The following GPC5 variants were observed in gnomAD, a reference collection of about 807,000 sequenced individuals.
GPC5 encodes glypican-5.
In GPC5, 47 loss-of-function variants were observed where a neutral mutation model predicts 53.9. The observed-to-expected ratio is 0.87, with a 90% CI of 0.69 to 1.11. GPC5 has a LOEUF of 1.11. Among genes scored for constraint, GPC5 ranks in the 50% most tolerant of loss-of-function variants. The pLI is 0.00. For synonymous variants in GPC5, 286 were observed against 263.3 expected, an observed-to-expected ratio of 1.09 and a Z score of -0.84; for missense variants, 748 against 713.1, an observed-to-expected ratio of 1.05 and a Z score of -0.56.
intron 2 of GPC5, among the ~76,000 whole-genome samples, chr13:91,530,630 A>G (rs571734127): frequency 2.6e-5 from 4 of 152,258 alleles, no homozygotes; most frequent in South Asian, 4.1e-4. Context: ...TTTTCAACCT[A>G]TTTAATAATA....
chr13:91,835,741 G>A (rs922491200), intron 5 of GPC5, among the ~76,000 whole-genome samples: 1 of 152,114 alleles, frequency 6.6e-6, no homozygotes, highest in African/African-American at 2.4e-5. Flanking sequence ...TCGGGGGTTG[G>A]GGGGTGAGGG....
At chr13:91,992,454 A>G (rs1354593736) in intron 6 of GPC5, among the ~76,000 whole-genome samples, 1 of 134,526 alleles carries the variant, frequency 7.4e-6, no homozygotes, top group African/African-American at 2.9e-5. Context: ...GTATGAAGCT[A>G]TTTACTTTTT....
chr13:92,274,976 A>G (rs1352076477), intron 7 of GPC5, among the ~76,000 whole-genome samples: 1 of 152,156 alleles, frequency 6.6e-6, no homozygotes, highest in Non-Finnish European at 1.5e-5. Flanking sequence ...TAAAAAATTC[A>G]TTAATGAATA....
At chr13:92,565,089 C>T (rs901996541) in intron 7 of GPC5, among the ~76,000 whole-genome samples, 9 of 152,026 alleles carry the variant, frequency 5.9e-5, no homozygotes, top group African/African-American at 1.9e-4. Context: ...TTTTAAGACT[C>T]ATAAGCCATT....
chr13:92,481,193 C>T (rs1265399066), intron 7 of GPC5, among the ~76,000 whole-genome samples: 3 of 151,956 alleles, frequency 2.0e-5, no homozygotes, highest in African/African-American at 7.2e-5. Flanking sequence ...CTCTGCCTCC[C>T]AGGTTCACGC....
intron 7 of GPC5, among the ~76,000 whole-genome samples, chr13:92,681,087 G>T (rs17299557): frequency 0.23 from 35,412 of 151,378 alleles, 4,569 homozygotes; most frequent in East Asian, 0.35. Context: ...ATGTAGTTGA[G>T]AGGACACCAT....
chr13:91,652,280 CT>C (rs139021078), intron 2 of GPC5, among the ~76,000 whole-genome samples: 1 of 151,964 alleles, frequency 6.6e-6, no homozygotes, highest in African/African-American at 2.4e-5. Context: ...AAAACTGGCA[CT>C]TTTTTTTCTT....
intron 7 of GPC5, among the ~76,000 whole-genome samples, chr13:92,176,614 T>C (rs1157225566): frequency 1.3e-5 from 2 of 152,160 alleles, no homozygotes; most frequent in African/African-American, 2.4e-5. Flanking sequence ...TCAATGGCTT[T>C]TAGATTTCTA....
At chr13:91,841,466 T>TA (rs1015808490) in intron 5 of GPC5, among the ~76,000 whole-genome samples, 24 of 151,558 alleles carry the variant, frequency 1.6e-4, no homozygotes, top group South Asian at 6.3e-4. Context: ...GCATTTTACA[T>TA]AAAAAATTCA....
chr13:91,704,211 C>T (rs1178754719), intron 3 of GPC5, among the ~76,000 whole-genome samples: 3 of 152,074 alleles, frequency 2.0e-5, no homozygotes, highest in Non-Finnish European at 4.4e-5. Context: ...TCTTATGCAA[C>T]ATTTTAAAAC....
intron 2 of GPC5, among the ~76,000 whole-genome samples, chr13:91,658,992 C>T (rs1200481055): frequency 1.3e-5 from 2 of 152,140 alleles, no homozygotes; most frequent in African/African-American, 2.4e-5. Context: ...TCATGTACTG[C>T]ATTTTTTTAC....
intron 7 of GPC5, among the ~76,000 whole-genome samples, chr13:92,173,451 T>C (rs2042084949): frequency 6.6e-6 from 1 of 152,256 alleles, no homozygotes; most frequent in Non-Finnish European, 1.5e-5. Flanking sequence ...TTTTGTTTCA[T>C]GTACCTCATG....
chr13:92,290,933 C>A (rs917970025), intron 7 of GPC5, among the ~76,000 whole-genome samples: 6 of 152,118 alleles, frequency 3.9e-5, no homozygotes, highest in African/African-American at 1.4e-4. Flanking sequence ...TGCTTGTGGG[C>A]CAGCGTGAGT....
At chr13:92,691,771 GTTTT>G (rs539712882) in intron 7 of GPC5, among the ~76,000 whole-genome samples, 2 of 142,836 alleles carry the variant, frequency 1.4e-5, no homozygotes, top group Non-Finnish European at 3.1e-5. Context: ...TGGTTTTAGG[GTTTT>G]TTTTTTTTAT....
intron 7 of GPC5, among the ~76,000 whole-genome samples, chr13:92,846,608 T>C (rs1269439305): frequency 6.6e-6 from 1 of 152,184 alleles, no homozygotes; most frequent in Non-Finnish European, 1.5e-5. Flanking sequence ...GCAGCTTTAG[T>C]ATTCCATAAA....
intron 7 of GPC5, among the ~76,000 whole-genome samples, chr13:92,225,773 A>G (rs1032577587): frequency 6.6e-6 from 1 of 152,096 alleles, no homozygotes; most frequent in African/African-American, 2.4e-5. Flanking sequence ...CCCTTTATAA[A>G]CTTTTTCAAA....
chr13:92,580,000 T>C (rs1358748784), intron 7 of GPC5, among the ~76,000 whole-genome samples: 35 of 152,228 alleles, frequency 2.3e-4, no homozygotes, highest in Non-Finnish European at 5.1e-4. Flanking sequence ...CGTGTTTGAA[T>C]GACATGACTT....
chr13:91,719,900 T>C (rs2036427346), intron 3 of GPC5, among the ~76,000 whole-genome samples: 1 of 152,150 alleles, frequency 6.6e-6, no homozygotes, highest in South Asian at 2.1e-4. Flanking sequence ...TCAAAGCAGG[T>C]GAATACAATT....
At chr13:92,281,024 C>T (rs1204356082) in intron 7 of GPC5, among the ~76,000 whole-genome samples, 1 of 152,164 alleles carries the variant, frequency 6.6e-6, no homozygotes, top group Admixed American at 6.5e-5. Flanking sequence ...CAGACAGCAC[C>T]TGGAAAATTG....
Sources: gnomAD v4.1 joint callset for allele counts (sites outside exome capture counted in the v4.1 genomes callset) on GRCh38, gnomAD v4.1.1 for gene constraint, MANE v1.5 for transcripts, NCBI Gene and HGNC (gene_info 2026-07-23, HGNC 2026-07-21) for gene names.